Variants in MMP26 observed in about 807,000 individuals in gnomAD.
The protein encoded by MMP26 is matrix metallopeptidase 26.
A neutral mutation model predicts 31.0 loss-of-function variants in MMP26; 33 were observed. The ratio of observed to expected loss-of-function variants is 1.06; its 90% CI spans 0.81 to 1.42. The LOEUF (loss-of-function observed/expected upper bound fraction) is 1.42, where lower values mean the gene tolerates loss of function less well. Ranked by LOEUF, MMP26 falls within the 40% of genes most tolerant of loss-of-function variation. MMP26 has a pLI of 0.00. For missense variants in MMP26, 347 were observed against 316.1 expected (o/e 1.10, Z -0.74); for synonymous variants, 122 against 114.9 (o/e 1.06, Z -0.40).
Position 4,943,329 on chromosome 11 carries a change from T to A in MMP26, c.-144-44739T>A, listed in dbSNP as rs1846244280. On this transcript the variant is annotated intron_variant, in intron 2 of 7. Coordinates refer to ENST00000380390, the MANE Select transcript of MMP26 (RefSeq NM_021801.5). ...AATAAGTCTTTTAACATCTCTCAAGTGAAGTCTTTCAGTTTTCTCAGTTTT... is the reference window on the plus strand; with the variant it reads ...AATAAGTCTTTTAACATCTCTCAAGAGAAGTCTTTCAGTTTTCTCAGTTTT... 3 of 337,182 alleles carry A rather than the reference T, an allele frequency of 8.9e-6. No homozygotes were observed. The Admixed American group carries it at 1.1e-4, about 12-fold the overall frequency. The allele number at this position is 337,182 out of a possible 1,614,324, so 20.9% of individuals were successfully genotyped here. A position where few individuals can be genotyped will look rare whatever the true frequency, so the allele number is the denominator to read the frequency against.
intron 2 of MMP26, among the ~76,000 whole-genome samples, chr11:4,972,021 T>C (rs1458920403): frequency 1.3e-5 from 2 of 152,140 alleles, no homozygotes; most frequent in South Asian, 2.1e-4. Flanking sequence ...ACATTGGGGA[T>C]TAAATTTTAA....
intron 2 of MMP26, among the ~76,000 whole-genome samples, chr11:4,896,055 TTTG>T (rs1850697006): frequency 6.9e-6 from 1 of 144,322 alleles, no homozygotes; most frequent in African/African-American, 2.5e-5. Flanking sequence ...TTATTGTTTG[TTTG>T]TTTTTTACCT....
At chr11:4,984,838 C>T (rs2133643801) in intron 2 of MMP26, among the ~76,000 whole-genome samples, 1 of 152,274 alleles carries the variant, frequency 6.6e-6, no homozygotes, top group East Asian at 1.9e-4. Context: ...AGGAACCATG[C>T]TCTATGGGGG....
chr11:4,804,531 A>T (rs375015003), intron 2 of MMP26: 1 of 786,222 alleles, frequency 1.3e-6, no homozygotes, highest in South Asian at 1.4e-5. Flanking sequence ...GAATAATTTC[A>T]ACTGTTTTAA....
intron 2 of MMP26, among the ~76,000 whole-genome samples, chr11:4,879,766 T>G (rs1850432338): frequency 6.6e-6 from 1 of 152,122 alleles, no homozygotes; most frequent in South Asian, 2.1e-4. Flanking sequence ...TCGGAAGGGT[T>G]CTTAGGAGGA....
At chr11:4,882,040 C>A in intron 2 of MMP26, 2 of 1,613,824 alleles carry the variant, frequency 1.2e-6, no homozygotes, top group Non-Finnish European at 1.7e-6. Context: ...ACAGTATGAT[C>A]TTTCTTGTCA....
At chr11:4,835,231 CACAT>C (rs1283060255) in intron 2 of MMP26, among the ~76,000 whole-genome samples, 9 of 151,436 alleles carry the variant, frequency 5.9e-5, no homozygotes, top group Middle Eastern at 3.2e-3. Flanking sequence ...CACACACACA[CACAT>C]ACACACACGA....
chr11:4,831,748 C>T lies in MMP26; in HGVS notation c.-145+64407C>T, dbSNP rs142186743. 7.0e-3 allele frequency among the ~76,000 whole-genome samples: 1,068 copies of T among 152,148 alleles called. 16 individuals are homozygous for T. Among genetic ancestry groups the T allele is most frequent in the African/African-American group, 0.024 (1,005 of 41,512 alleles). ...TTTGTGTGAGTACATGACCATTGAC[C>T]ACATGCGTGATAGTAGATTATAACA... is the stretch of plus-strand genomic sequence containing the variant. On this transcript the variant is annotated intron_variant, in intron 2 of 7. Transcript: ENST00000380390.
intron 2 of MMP26, among the ~76,000 whole-genome samples, chr11:4,843,845 A>G (rs1849830516): frequency 6.6e-6 from 1 of 152,214 alleles, no homozygotes; most frequent in African/African-American, 2.4e-5. Context: ...TTAAATATAA[A>G]TTTCAGTTTC....
Position 4,822,215 on chromosome 11 carries a change from G to A in MMP26, c.-145+54874G>A, listed in dbSNP as rs145891231. 3.0e-4 allele frequency: 478 copies of A among 1,587,158 alleles called. 1 individual carries two copies. The highest frequency in any genetic ancestry group is 1.7e-3 in the Middle Eastern group (10 of 5,916). On this transcript the variant is annotated intron_variant, in intron 2 of 7. Transcript: ENST00000380390. ...CTCATCAGTTTGTCTCTTGTCCATCGCTATGGCCATTCAGCACCTCCATTT... is the reference window on the plus strand; with the variant it reads ...CTCATCAGTTTGTCTCTTGTCCATCACTATGGCCATTCAGCACCTCCATTT...
Position 4,948,934 on chromosome 11 carries a change from TC to T in MMP26, c.-144-39133del, listed in dbSNP as rs1364237068. Among the ~76,000 whole-genome samples the T allele has an allele frequency of 3.2e-5, 4 of 124,586 alleles. 1 individual carries two copies. The highest frequency in any genetic ancestry group is 7.3e-5 in the Non-Finnish European group (4 of 54,836). 81.7% of individuals were successfully genotyped at this position (124,586 alleles called of 152,430 possible). On this transcript the variant is annotated intron_variant, in intron 2 of 7. Transcript: ENST00000380390. ...TTTCTCTTAGCTTTCTCCAGGTACT[TC>T]TTATTAAAGAGATAGCAGAAAGTTT... is the stretch of plus-strand genomic sequence containing the variant.
At chr11:4,794,114 G>A (rs1356391005) in intron 2 of MMP26, 1 of 152,094 alleles carries the variant, frequency 6.6e-6, no homozygotes, top group Non-Finnish European at 1.5e-5. Flanking sequence ...AGAGACCACA[G>A]GTACGGACTA....
intron 2 of MMP26, among the ~76,000 whole-genome samples, chr11:4,864,914 G>C (rs1850214203): frequency 6.6e-6 from 1 of 152,032 alleles, no homozygotes; most frequent in South Asian, 2.1e-4. Context: ...GTTAAATATG[G>C]TAAAAAGAAT....
At chr11:4,830,607 C>G (rs1200583336) in intron 2 of MMP26, among the ~76,000 whole-genome samples, 2 of 152,170 alleles carry the variant, frequency 1.3e-5, no homozygotes, top group African/African-American at 2.4e-5. Flanking sequence ...TGAAGGGAGA[C>G]AGATGTTGTG....
intron 2 of MMP26, among the ~76,000 whole-genome samples, chr11:4,795,570 G>A (rs1378498587): frequency 3.9e-5 from 6 of 152,228 alleles, no homozygotes; most frequent in East Asian, 3.9e-4. Flanking sequence ...ATCACAAGCC[G>A]AAATTTATAG....
intron 2 of MMP26, among the ~76,000 whole-genome samples, chr11:4,846,199 C>T (rs1323799773): frequency 6.6e-6 from 1 of 152,090 alleles, no homozygotes; most frequent in African/African-American, 2.4e-5. Flanking sequence ...GCTATATATA[C>T]ACAATGGAGT....
chr11:4,737,240 G>A (rs751336668), intron 1 of MMP26, among the ~76,000 whole-genome samples: 16 of 152,268 alleles, frequency 1.1e-4, no homozygotes, highest in South Asian at 4.1e-4. Flanking sequence ...GGATTTTAAC[G>A]TCTCCTTTCT....
chr11:4,738,092 TG>T (rs892775100), intron 1 of MMP26, among the ~76,000 whole-genome samples: 1 of 151,668 alleles, frequency 6.6e-6, no homozygotes, highest in Non-Finnish European at 1.5e-5. Context: ...TAAGCCTGGC[TG>T]GGTTTTTTTT....
At chr11:4,808,806 A>G (rs1447747845) in intron 2 of MMP26, among the ~76,000 whole-genome samples, 2 of 149,196 alleles carry the variant, frequency 1.3e-5, no homozygotes, top group Admixed American at 6.8e-5. Flanking sequence ...CTGCCCTGGT[A>G]TCCAAGACTG....
Sources: gnomAD v4.1 joint callset for allele counts (sites outside exome capture counted in the v4.1 genomes callset) on GRCh38, gnomAD v4.1.1 for gene constraint, MANE v1.5 for transcripts, NCBI Gene and HGNC (gene_info 2026-07-23, HGNC 2026-07-21) for gene names.